SENP1: variants seen among roughly 807,000 people sequenced by gnomAD.
The protein encoded by SENP1 is sentrin-specific protease 1.
In SENP1, 21 loss-of-function variants were observed where a neutral mutation model predicts 93.0. The ratio of observed to expected loss-of-function variants is 0.23; its 90% CI spans 0.16 to 0.33. The LOEUF (loss-of-function observed/expected upper bound fraction) is 0.33, where lower values mean the gene tolerates loss of function less well. Among genes scored for constraint, SENP1 ranks in the 10% least tolerant of loss-of-function variants. SENP1 has a pLI of 1.00. For missense variants in SENP1, 591 were observed against 758.7 expected (o/e 0.78, Z 2.60); for synonymous variants, 256 against 259.6 (o/e 0.99, Z 0.13).
chr12:48,078,546 A>T (rs2137086447), intron 6 of SENP1, among the ~76,000 whole-genome samples: 1 of 150,980 alleles, frequency 6.6e-6, no homozygotes, highest in East Asian at 1.9e-4. Context: ...TTTGAGACAG[A>T]GTCTTGCTCT....
intron 16 of SENP1, among the ~76,000 whole-genome samples, 155 bp downstream of exon 16, chr12:48,046,823 G>A (rs544963129): frequency 6.6e-6 from 1 of 151,936 alleles, no homozygotes; most frequent in Non-Finnish European, 1.5e-5. Flanking sequence ...CTTTTCCTAC[G>A]GATAGCTTAA....
Position 48,045,206 on chromosome 12 carries a change from G to A in SENP1, c.*116C>T. ...ATGCATCTCGCCAGGGCCTGGTCCA[G>A]GATCAAGGGTGTTACAACAGCAGAG... On this transcript the variant is annotated 3_prime_UTR_variant, in exon 18 of 18. Coordinates refer to ENST00000549518, the MANE Select transcript of SENP1 (RefSeq NM_001267594.2). The A allele has an allele frequency of 2.5e-6, 2 of 792,806 alleles. No homozygotes were observed. Among genetic ancestry groups the A allele is most frequent in the Non-Finnish European group, 4.3e-6 (2 of 459,804 alleles). 49.1% of individuals were successfully genotyped at this position (792,806 alleles called of 1,614,324 possible).
At chr12:48,073,319 C>T (rs2137033619) in intron 8 of SENP1, among the ~76,000 whole-genome samples, 1 of 150,216 alleles carries the variant, frequency 6.7e-6, no homozygotes, top group Middle Eastern at 3.5e-3. Flanking sequence ...TACATCACCT[C>T]ACAAAATATA....
In SENP1 at chr12:48,043,004, A is replaced by G. The variant is rs1431184687; in HGVS notation, c.*2318T>C. ...AAATACCTTTTTTTTTTTCCTGGTC[A>G]TCAAAGCCTACCCCTAAACAAAGGG... On this transcript the variant is annotated 3_prime_UTR_variant, in exon 18 of 18. Transcript: ENST00000549518. 6.6e-6 allele frequency: 1 copy of G among 151,364 alleles called. No individual in the cohort carries two copies. Among genetic ancestry groups the G allele is most frequent in the Non-Finnish European group, 1.5e-5 (1 of 67,830 alleles). The allele number at this position is 151,364 out of a possible 1,614,324, so 9.4% of individuals were successfully genotyped here.
rs10564674 is a variant in SENP1 at position 48,069,152 on chromosome 12, C to CAAAAAAAAAAAA, written c.996-2199_996-2188dup. 2.4e-3 allele frequency among the ~76,000 whole-genome samples: 183 copies of CAAAAAAAAAAAA among 76,330 alleles called. 1 individual carries two copies. Among genetic ancestry groups the CAAAAAAAAAAAA allele is most frequent in the Middle Eastern group, 0.024 (2 of 82 alleles). The allele number at this position is 76,330 out of a possible 152,430, so 50.1% of individuals were successfully genotyped here. On this transcript the variant is annotated intron_variant, in intron 9 of 17. Transcript: ENST00000549518. The stretch of plus-strand genomic sequence containing the variant: ...TGGATGATAGAGCAAGACTCTGTCA[C>CAAAAAAAAAAAA]AAAAAAAAAAAAAAAAAAAAAAAAA...
intron 13 of SENP1, among the ~76,000 whole-genome samples, chr12:48,062,808 T>TA (rs1195026248): frequency 2.0e-5 from 3 of 152,190 alleles, no homozygotes; most frequent in Non-Finnish European, 4.4e-5. Flanking sequence ...ATAAAACACA[T>TA]AAAACATGAA....
intron 1 of SENP1, among the ~76,000 whole-genome samples, chr12:48,104,273 G>GGGGGGGGGA: frequency 2.4e-5 from 1 of 41,302 alleles, no homozygotes; most frequent in South Asian, 9.5e-4. Context: ...GGGGGGGGGG[G>GGGGGGGGGA]CGGAGGGAGG....
chr12:48,085,173 G>A, intron 5 of SENP1: 7 of 1,454,304 alleles, frequency 4.8e-6, no homozygotes, highest in Non-Finnish European at 6.8e-6. Flanking sequence ...CAATTTCCTG[G>A]TGGTGGAGAA....
chr12:48,105,631 G>C, intron 1 of SENP1: 1 of 434,132 alleles, frequency 2.3e-6, no homozygotes, highest in Non-Finnish European at 4.4e-6. Context: ...ACCACAGAAA[G>C]CCGAGCTTCC....
chr12:48,091,593 A>G (rs1249002471), intron 4 of SENP1, among the ~76,000 whole-genome samples: 1 of 152,206 alleles, frequency 6.6e-6, no homozygotes, highest in Non-Finnish European at 1.5e-5. Flanking sequence ...ACCTAATGTA[A>G]CATATTTTCC....
rs1941175564 is a variant in SENP1 at position 48,043,995 on chromosome 12, C to T, written c.*1327G>A. 1 of 152,348 alleles carries T rather than the reference C, an allele frequency of 6.6e-6. No homozygotes were observed. Among genetic ancestry groups the T allele is most frequent in the South Asian group, 2.1e-4 (1 of 4,822 alleles). The allele number at this position is 152,348 out of a possible 1,614,324, so 9.4% of individuals were successfully genotyped here. ...ATGTTCCTACTTTGGAACTTAAGTA[C>T]AAAATGACACTGGCATTTGATCACT... On this transcript the variant is annotated 3_prime_UTR_variant, in exon 18 of 18. Coordinates refer to ENST00000549518, the MANE Select transcript of SENP1 (RefSeq NM_001267594.2).
intron 13 of SENP1, among the ~76,000 whole-genome samples, chr12:48,059,513 T>G (rs912161923): frequency 1.2e-4 from 18 of 152,198 alleles, no homozygotes; most frequent in African/African-American, 4.3e-4. Flanking sequence ...ATGTGGAAGA[T>G]ATTTATAGTA....
Position 48,068,414 on chromosome 12 carries a change from T to C in SENP1, c.996-1449A>G, listed in dbSNP as rs73301158. 7.2e-3 allele frequency among the ~76,000 whole-genome samples: 1,092 copies of C among 152,292 alleles called. 19 individuals carry two copies. Among genetic ancestry groups the C allele is most frequent in the African/African-American group, 0.025 (1,040 of 41,566 alleles). Reference sequence around the variant, plus strand: ...TGTTTTATGTATTAGTTAAGCCTAATGAAAATCCCTATACTATTTAAACCT... The same window carrying C: ...TGTTTTATGTATTAGTTAAGCCTAACGAAAATCCCTATACTATTTAAACCT... On this transcript the variant is annotated intron_variant, in intron 9 of 17. Coordinates refer to ENST00000549518, the MANE Select transcript of SENP1 (RefSeq NM_001267594.2).
chr12:48,048,245 A>C (rs1376870373), intron 14 of SENP1, among the ~76,000 whole-genome samples, 165 bp from the exon 15 acceptor site: 4 of 152,208 alleles, frequency 2.6e-5, no homozygotes, highest in Non-Finnish European at 5.9e-5. Context: ...AGAGAAAAAA[A>C]ATGAAGGGTT....
chr12:48,054,998 C>G (rs1592300152), intron 13 of SENP1: 1 of 223,826 alleles, frequency 4.5e-6, no homozygotes, highest in East Asian at 1.1e-4. Flanking sequence ...CAACTGCTGC[C>G]CTCTTGGGTG....
At chr12:48,094,573 G>A (rs1326292240) in intron 4 of SENP1, among the ~76,000 whole-genome samples, 5 of 152,128 alleles carry the variant, frequency 3.3e-5, no homozygotes, top group Middle Eastern at 3.4e-3. Context: ...CTAGCTACTC[G>A]GGAGGCTGAG....
intron 15 of SENP1, among the ~76,000 whole-genome samples, 187 bp from the exon 16 acceptor site, chr12:48,047,249 T>C (rs1438883454): frequency 1.3e-5 from 2 of 152,202 alleles, no homozygotes; most frequent in African/African-American, 2.4e-5. Context: ...GCATGCCTCT[T>C]CTAGCTTGTC....
intron 13 of SENP1, among the ~76,000 whole-genome samples, chr12:48,055,973 A>G (rs1183327724): frequency 3.0e-5 from 4 of 133,876 alleles, no homozygotes; most frequent in African/African-American, 1.1e-4. Flanking sequence ...ATCAATATAT[A>G]ATTTAATACA....
chr12:48,085,214 T>C (rs1423618092), intron 5 of SENP1: 1 of 1,525,634 alleles, frequency 6.6e-7, no homozygotes, highest in African/African-American at 1.4e-5. Context: ...TCGAAGACAC[T>C]TTCCGGCAAT....
Sources: gnomAD v4.1 joint callset for allele counts (sites outside exome capture counted in the v4.1 genomes callset) on GRCh38, gnomAD v4.1.1 for gene constraint, MANE v1.5 for transcripts, NCBI Gene and HGNC (gene_info 2026-07-23, HGNC 2026-07-21) for gene names.